SNTG1: variants seen among roughly 807,000 people sequenced by gnomAD.
SNTG1 encodes the protein syntrophin gamma 1.
In SNTG1, 39 loss-of-function variants were observed where a neutral mutation model predicts 74.7. The observed-to-expected ratio is 0.52, with a 90% confidence interval of 0.40 to 0.68. The LOEUF (loss-of-function observed/expected upper bound fraction) is 0.68. Among genes scored for constraint, SNTG1 ranks in the 30% least tolerant of loss-of-function variants. The probability of loss-of-function intolerance (pLI) is 0.00; values close to 1 mark genes in which losing one functional copy is unlikely to be tolerated. For synonymous variants in SNTG1, 254 were observed against 217.1 expected (o/e 1.17, Z -1.49); for missense variants, 685 against 609.5 (o/e 1.12, Z -1.30).
At chr8:50,251,090 GA>G (rs2086627569) in intron 2 of SNTG1, among the ~76,000 whole-genome samples, 1 of 151,960 alleles carries the variant, frequency 6.6e-6, no homozygotes, top group South Asian at 2.1e-4. Context: ...TGAAAAGGGA[GA>G]GGGAAAAAAA....
intron 1 of SNTG1, among the ~76,000 whole-genome samples, chr8:50,161,554 A>G (rs1188637694): frequency 6.6e-6 from 1 of 152,052 alleles, no homozygotes; most frequent in Admixed American, 6.6e-5. Flanking sequence ...GGGACTTTCC[A>G]AGAGGACCTG....
intron 3 of SNTG1, among the ~76,000 whole-genome samples, chr8:50,396,323 T>C (rs1408757330): frequency 6.6e-6 from 1 of 152,152 alleles, no homozygotes; most frequent in African/African-American, 2.4e-5. Flanking sequence ...AATATTTACT[T>C]AATGGAATCC....
intron 11 of SNTG1, among the ~76,000 whole-genome samples, chr8:50,545,604 T>TA (rs1554569684): frequency 4.0e-5 from 6 of 151,418 alleles, no homozygotes; most frequent in Non-Finnish European, 7.4e-5. Context: ...TGAATTTTAA[T>TA]AAAAAAATTC....
At chr8:50,409,362 T>G (rs1355496915) in intron 4 of SNTG1, among the ~76,000 whole-genome samples, 2 of 152,164 alleles carry the variant, frequency 1.3e-5, no homozygotes, top group Non-Finnish European at 2.9e-5. Context: ...ATTAACTACT[T>G]TTGAGGAACA....
chr8:50,180,175 A>T (rs1306007711), intron 2 of SNTG1, among the ~76,000 whole-genome samples: 1 of 152,220 alleles, frequency 6.6e-6, no homozygotes, highest in Non-Finnish European at 1.5e-5. Context: ...AATAAGCCAT[A>T]AACAGTAAGA....
At chr8:50,628,540 A>ATT (rs148593727) in intron 13 of SNTG1, among the ~76,000 whole-genome samples, 4 of 150,266 alleles carry the variant, frequency 2.7e-5, no homozygotes, top group African/African-American at 9.8e-5. Flanking sequence ...TTTTACTTCC[A>ATT]TTTTTTTTCT....
At chr8:49,957,102 A>C (rs1810249530) in intron 1 of SNTG1, among the ~76,000 whole-genome samples, 1 of 152,310 alleles carries the variant, frequency 6.6e-6, no homozygotes, top group Admixed American at 6.5e-5. Flanking sequence ...AAAAGCTCTA[A>C]CAAAAGTAGC....
chr8:50,549,300 A>G (rs1245355574), intron 11 of SNTG1, among the ~76,000 whole-genome samples: 1 of 152,122 alleles, frequency 6.6e-6, no homozygotes, highest in Non-Finnish European at 1.5e-5. Context: ...ATTACACTCA[A>G]CAAGACAGAG....
chr8:50,025,486 A>G (rs1432020898), intron 1 of SNTG1, among the ~76,000 whole-genome samples: 1 of 152,174 alleles, frequency 6.6e-6, no homozygotes, highest in East Asian at 1.9e-4. Flanking sequence ...GGCAAAAAGT[A>G]TATTTTCTTT....
chr8:50,102,677 GT>G (rs2080186769), intron 1 of SNTG1, among the ~76,000 whole-genome samples: 1 of 150,274 alleles, frequency 6.7e-6, no homozygotes, highest in African/African-American at 2.5e-5. Context: ...TTTTTCTAGG[GT>G]TTTTATGGTT....
At chr8:50,576,815 G>C (rs570634701) in intron 12 of SNTG1, among the ~76,000 whole-genome samples, 1 of 152,060 alleles carries the variant, frequency 6.6e-6, no homozygotes, top group South Asian at 2.1e-4. Flanking sequence ...TCTGTAATCA[G>C]ATAGTTTTCT....
intron 1 of SNTG1, among the ~76,000 whole-genome samples, chr8:49,991,585 G>A (rs1172206566): frequency 5.9e-5 from 9 of 152,068 alleles, no homozygotes; most frequent in African/African-American, 1.7e-4. Flanking sequence ...TATAATGGAA[G>A]AATATTTGAG....
At chr8:50,131,236 A>C (rs1342665640) in intron 1 of SNTG1, among the ~76,000 whole-genome samples, 1 of 152,180 alleles carries the variant, frequency 6.6e-6, no homozygotes, top group African/African-American at 2.4e-5. Flanking sequence ...GCATTCACAA[A>C]GAACTGTTTC....
chr8:50,609,450 TG>T (rs1000765737), intron 13 of SNTG1, among the ~76,000 whole-genome samples: 2 of 152,156 alleles, frequency 1.3e-5, no homozygotes, highest in African/African-American at 2.4e-5. Context: ...AATGTTTTTT[TG>T]CTTTCAGTAT....
chr8:50,179,655 C>T (rs2083128928), intron 2 of SNTG1, among the ~76,000 whole-genome samples: 1 of 152,064 alleles, frequency 6.6e-6, no homozygotes, highest in African/African-American at 2.4e-5. Context: ...GAAAGACATA[C>T]AAATAGCCAA....
chr8:50,594,024 G>C (rs764174396), intron 13 of SNTG1, among the ~76,000 whole-genome samples: 1 of 152,080 alleles, frequency 6.6e-6, no homozygotes, highest in Non-Finnish European at 1.5e-5. Context: ...AACCTGATTT[G>C]GTTCATTTTT....
chr8:50,157,488 A>G (rs1038865646), intron 1 of SNTG1, among the ~76,000 whole-genome samples: 2 of 152,112 alleles, frequency 1.3e-5, no homozygotes, highest in African/African-American at 2.4e-5. Flanking sequence ...ACATATTAGT[A>G]TACACAAAAT....
chr8:50,627,379 C>T (rs1372919386), intron 13 of SNTG1, among the ~76,000 whole-genome samples: 1 of 152,186 alleles, frequency 6.6e-6, no homozygotes, highest in Non-Finnish European at 1.5e-5. Flanking sequence ...TGGGTCCTCT[C>T]TTGCTCATCT....
chr8:50,375,366 C>T (rs2092356747), intron 2 of SNTG1, among the ~76,000 whole-genome samples: 1 of 151,764 alleles, frequency 6.6e-6, no homozygotes, highest in Admixed American at 6.6e-5. Flanking sequence ...CAGAACTCTA[C>T]AGAGAGCCAA....
Sources: allele counts gnomAD v4.1 joint callset (sites outside exome capture counted in the v4.1 genomes callset), GRCh38; gene constraint gnomAD v4.1.1; transcripts MANE v1.5; gene names NCBI Gene and HGNC (gene_info 2026-07-23, HGNC 2026-07-21).